Variants in CSMD2 observed in about 807,000 individuals in gnomAD.
The protein encoded by CSMD2 is CUB and sushi domain-containing protein 2.
A neutral mutation model predicts 398.5 loss-of-function variants in CSMD2; 130 were observed. That is an observed-to-expected ratio of 0.33 (90% CI 0.28 to 0.38). CSMD2 has a LOEUF of 0.38. Ranked by LOEUF, CSMD2 falls within the 10% of genes least tolerant of loss-of-function variation. The pLI is 1.00. For synonymous variants in CSMD2, 1,828 were observed against 1,908.5 expected (o/e 0.96, Z 1.10); for missense variants, 3,829 against 4,764.9 (o/e 0.80, Z 5.78).
intron 5 of CSMD2, among the ~76,000 whole-genome samples, chr1:33,900,604 T>A: frequency 6.6e-6 from 1 of 152,102 alleles, no homozygotes; most frequent in Non-Finnish European, 1.5e-5. Context: ...TGGTGAAACC[T>A]TGTCTCTACT....
chr1:34,067,582 A>G (rs1474558648), intron 2 of CSMD2, among the ~76,000 whole-genome samples: 1 of 152,134 alleles, frequency 6.6e-6, no homozygotes, highest in East Asian at 1.9e-4. Context: ...CACCAGCATC[A>G]CCTGTGAGCT....
In CSMD2 at chr1:34,162,662, C is replaced by T. The variant is rs908913548; in HGVS notation, c.187+2249G>A. 2.0e-5 allele frequency among the ~76,000 whole-genome samples: 3 copies of T among 152,218 alleles called. No homozygotes were observed. In the East Asian group the frequency reaches 5.8e-4, roughly 29 times the overall value. On this transcript the variant is annotated intron_variant, in intron 1 of 70. Coordinates refer to ENST00000373381, the MANE Select transcript of CSMD2 (RefSeq NM_001281956.2). ...TCACCTGAAGTCAGGAGCTCGAGAC[C>T]AGCCTGGCCAACATGGTGAAACCCC...
chr1:33,720,407 A>G (rs1239758400), intron 19 of CSMD2, among the ~76,000 whole-genome samples: 1 of 152,160 alleles, frequency 6.6e-6, no homozygotes, highest in Non-Finnish European at 1.5e-5. Context: ...CTAGATGCAG[A>G]GCTGGGGAGA....
Position 33,819,780 on chromosome 1 carries a change from C to T in CSMD2, c.1257G>A (p.Lys419=), listed in dbSNP as rs11578857. The T allele has an allele frequency of 0.54, 863,328 of 1,612,792 alleles. 232,429 individuals are homozygous for T. Among genetic ancestry groups the T allele is most frequent in the East Asian group, 0.69 (30,954 of 44,812 alleles). Residue 419 remains lysine (K), a synonymous_variant, in exon 9 of 71, where the codon AAG becomes AAA. Coordinates refer to ENST00000373381, the MANE Select transcript of CSMD2 (RefSeq NM_001281956.2). The stretch of plus-strand genomic sequence containing the variant: ...CGCTCACTTTCATACAGGTGATCCG[C>T]TTGGACCCTTGCAGGTCATAGCCCT... ...CNEGYDLQGS[K]RITCMKVSDM... is the part of the protein sequence containing the mutation.
chr1:33,682,620 G>T (rs1385129917), intron 25 of CSMD2, among the ~76,000 whole-genome samples: 1 of 152,176 alleles, frequency 6.6e-6, no homozygotes, highest in East Asian at 1.9e-4. Context: ...AGTTGTGGTG[G>T]TTTTGTAAAT....
intron 3 of CSMD2, among the ~76,000 whole-genome samples, chr1:34,008,007 A>C (rs504527): frequency 0.62 from 93,729 of 152,042 alleles, 30,200 homozygotes; most frequent in East Asian, 0.8. Context: ...TTGTTTGACT[A>C]TTTGAAAAAG....
At chr1:33,714,333 C>T (rs551923582) in intron 21 of CSMD2, among the ~76,000 whole-genome samples, 24 of 152,274 alleles carry the variant, frequency 1.6e-4, no homozygotes, top group Admixed American at 1.6e-3. Flanking sequence ...CCACTGTGGA[C>T]CTAATTTGTA....
At chr1:33,962,111 G>A (rs938745569) in intron 3 of CSMD2, among the ~76,000 whole-genome samples, 1 of 152,102 alleles carries the variant, frequency 6.6e-6, no homozygotes, top group South Asian at 2.1e-4. Context: ...AAATTCATGC[G>A]GTCTGGGCAA....
At chr1:33,588,058 C>G (rs1367680949) in intron 44 of CSMD2, among the ~76,000 whole-genome samples, 1 of 152,180 alleles carries the variant, frequency 6.6e-6, no homozygotes, top group Non-Finnish European at 1.5e-5. Context: ...ATCCATTGCC[C>G]TCTCAGAGAT....
At chr1:34,162,904 T>C (rs543969379) in intron 1 of CSMD2, among the ~76,000 whole-genome samples, 2 of 152,008 alleles carry the variant, frequency 1.3e-5, no homozygotes, top group Non-Finnish European at 2.9e-5. Flanking sequence ...AGAAATGTAC[T>C]GGAAGCTTGC....
At chr1:33,644,409 C>T (rs550576613) in intron 29 of CSMD2, among the ~76,000 whole-genome samples, 9 of 152,106 alleles carry the variant, frequency 5.9e-5, no homozygotes, top group Admixed American at 2.0e-4. Context: ...ATGAGGCTGA[C>T]GGGGTGACAT....
chr1:34,018,948 T>C (rs1016523737), intron 3 of CSMD2, among the ~76,000 whole-genome samples: 1 of 152,226 alleles, frequency 6.6e-6, no homozygotes, highest in Non-Finnish European at 1.5e-5. Flanking sequence ...TTGGATCCAA[T>C]AGTCGCAACT....
At chr1:33,587,007 T>C (rs1291348495) in intron 45 of CSMD2, 81 bp downstream of exon 45, 2 of 1,106,802 alleles carry the variant, frequency 1.8e-6, no homozygotes, top group Non-Finnish European at 2.6e-6. Context: ...TAAGGTCCAC[T>C]GGCCCGACAG....
At chr1:33,632,675 A>G (rs1298551518) in intron 32 of CSMD2, among the ~76,000 whole-genome samples, 1 of 152,152 alleles carries the variant, frequency 6.6e-6, no homozygotes, top group Non-Finnish European at 1.5e-5. Context: ...TTCTAGAGGG[A>G]TATTTGATAA....
chr1:33,887,225 A>G, intron 5 of CSMD2, among the ~76,000 whole-genome samples: 1 of 138,992 alleles, frequency 7.2e-6, no homozygotes, highest in Admixed American at 7.8e-5. Flanking sequence ...AATTGCTCCT[A>G]AAGAAATAAT....
In CSMD2 at chr1:33,602,530, G is replaced by A. The variant is rs759349257; in HGVS notation, c.6549C>T (p.Asn2183=). Residue 2183 remains asparagine (N), a synonymous_variant, in exon 43 of 71, where the codon AAC becomes AAT. Transcript: ENST00000373381. ...ACACAGTGCCGTTGGAAGAAGTGAT[G>A]TTCCCGCCACAAGGGACTGCCAGGG... ...LPKCEVPCGG[N]ITSSNGTVYS... The A allele has an allele frequency of 1.3e-6, 2 of 1,535,214 alleles. No individual in the cohort carries two copies.
In CSMD2 at chr1:33,692,993, G is replaced by A. The variant is rs911368211; in HGVS notation, c.3989C>T (p.Ala1330Val). Reference sequence around the variant, plus strand: ...GCAGTTGAGATTGTGTTCATAGGGAGCTGGATACCCGGGTGACAGCACCTG... The same window carrying A: ...GCAGTTGAGATTGTGTTCATAGGGAACTGGATACCCGGGTGACAGCACCTG... ...SGQVLSPGYPAPYEHNLNCIW... is the reference protein window; with the variant it reads ...SGQVLSPGYPVPYEHNLNCIW... Residue 1330 changes from alanine to valine, a missense_variant, in exon 25 of 71, where the codon GCT becomes GTT. Coordinates refer to ENST00000373381, the MANE Select transcript of CSMD2 (RefSeq NM_001281956.2). 1.2e-6 allele frequency: 2 copies of A among 1,606,110 alleles called. No individual in the cohort carries two copies. The highest frequency in any genetic ancestry group is 3.4e-5 in the Admixed American group (2 of 58,756).
intron 3 of CSMD2, among the ~76,000 whole-genome samples, chr1:33,973,711 GGA>G (rs1645855006): frequency 1.3e-5 from 2 of 152,278 alleles, no homozygotes; most frequent in Middle Eastern, 3.4e-3. Context: ...AGCTGGCTGG[GGA>G]GACAGGACTC....
chr1:34,017,854 A>C (rs1648342963), intron 3 of CSMD2, among the ~76,000 whole-genome samples: 1 of 152,208 alleles, frequency 6.6e-6, no homozygotes, highest in East Asian at 1.9e-4. Context: ...TATTTCCATT[A>C]ATAGAGCCAT....
Sources: allele counts gnomAD v4.1 joint callset (sites outside exome capture counted in the v4.1 genomes callset), GRCh38; gene constraint gnomAD v4.1.1; transcripts MANE v1.5; gene names NCBI Gene and HGNC (gene_info 2026-07-23, HGNC 2026-07-21).